The following HOOK1 variants were observed in gnomAD, a reference collection of about 807,000 sequenced individuals.
The protein encoded by HOOK1 is hook microtubule tethering protein 1, also known as protein Hook homolog 1.
In HOOK1, 60 loss-of-function variants were observed where a neutral mutation model predicts 112.8. That is an observed-to-expected ratio of 0.53 (90% CI 0.43 to 0.66). The LOEUF (loss-of-function observed/expected upper bound fraction) is 0.66, where lower values mean the gene tolerates loss of function less well. Among genes scored for constraint, HOOK1 ranks in the 30% least tolerant of loss-of-function variants. The pLI, the probability that HOOK1 is intolerant of heterozygous loss-of-function variation, is 0.00. For synonymous variants in HOOK1, 294 were observed against 283.8 expected, an observed-to-expected ratio of 1.04 and a Z score of -0.36; for missense variants, 770 against 856.0, an observed-to-expected ratio of 0.90 and a Z score of 1.25.
intron 20 of HOOK1, among the ~76,000 whole-genome samples, chr1:59,870,375 C>G (rs1259422317): frequency 1.3e-5 from 2 of 152,118 alleles, no homozygotes; most frequent in Non-Finnish European, 2.9e-5. Context: ...ATCTGCCATC[C>G]CTCTGGGAAT....
At chr1:59,835,043 A>G (rs1038249206) in intron 5 of HOOK1, among the ~76,000 whole-genome samples, 1 of 152,152 alleles carries the variant, frequency 6.6e-6, no homozygotes, top group Non-Finnish European at 1.5e-5. Context: ...AAAGGAATTC[A>G]ATTCCTAGAT....
intron 1 of HOOK1, among the ~76,000 whole-genome samples, chr1:59,816,309 C>A (rs2098381468): frequency 6.6e-6 from 1 of 152,090 alleles, no homozygotes; most frequent in Non-Finnish European, 1.5e-5. Flanking sequence ...TAGTGGAATG[C>A]AAATATTTAG....
At position 59,862,353 on chromosome 1, in the gene HOOK1, AT is replaced by A. The variant is rs752919223; in HGVS notation, c.1533-428del. Among the ~76,000 whole-genome samples the A allele has an allele frequency of 8.5e-5, 13 of 152,284 alleles. No individual in the cohort carries two copies. The East Asian group carries it at 2.1e-3, about 25-fold the overall frequency. Reference sequence around the variant, plus strand: ...GCTAGTGGCACTCCCTTTAATTTAAATTTAAAAAAACTTGTGGAAATGATTG... The same window carrying A: ...GCTAGTGGCACTCCCTTTAATTTAAATTAAAAAAACTTGTGGAAATGATTG... On this transcript the variant is annotated intron_variant, in intron 15 of 21. Transcript: ENST00000371208.
At chr1:59,836,009 A>G (rs1042696992) in intron 6 of HOOK1, among the ~76,000 whole-genome samples, 1 of 152,050 alleles carries the variant, frequency 6.6e-6, no homozygotes, top group African/African-American at 2.4e-5. Context: ...CAGGATAAAC[A>G]GTCTCTGACC....
chr1:59,815,321 G>C (rs540233263), intron 1 of HOOK1, 141 bp downstream of exon 1: 1 of 761,562 alleles, frequency 1.3e-6, no homozygotes, highest in South Asian at 1.8e-5. Context: ...GCCCTTGACC[G>C]AGAGAATGCC....
intron 16 of HOOK1, among the ~76,000 whole-genome samples, chr1:59,864,159 GTTAGTTA>G (rs1643915703): frequency 6.6e-6 from 1 of 151,398 alleles, no homozygotes; most frequent in Admixed American, 6.6e-5. Context: ...TCATTTTGGT[GTTAGTTA>G]TTAAAGTATT....
At chr1:59,846,298 G>A (rs1386131984) in intron 9 of HOOK1, among the ~76,000 whole-genome samples, 1 of 151,546 alleles carries the variant, frequency 6.6e-6, no homozygotes, top group Admixed American at 6.6e-5. Flanking sequence ...TCCTGATATT[G>A]CTTGGGTTTT....
intron 15 of HOOK1, among the ~76,000 whole-genome samples, chr1:59,861,053 G>A (rs563474082): frequency 6.6e-6 from 1 of 152,004 alleles, no homozygotes; most frequent in African/African-American, 2.4e-5. Context: ...TGGGATTACA[G>A]GCGTGAGCCA....
chr1:59,836,115 T>G (rs528797158), intron 6 of HOOK1, among the ~76,000 whole-genome samples: 1 of 152,304 alleles, frequency 6.6e-6, no homozygotes, highest in African/African-American at 2.4e-5. Flanking sequence ...ATATACCATA[T>G]GCATTTTCAA....
chr1:59,823,627 A>T (rs748007400), intron 2 of HOOK1, among the ~76,000 whole-genome samples: 1 of 152,182 alleles, frequency 6.6e-6, no homozygotes, highest in Non-Finnish European at 1.5e-5. Context: ...TGGTAGCTTT[A>T]TGCCAGAATA....
chr1:59,849,101 C>G lies in HOOK1; in HGVS notation c.1160C>G (p.Ser387Cys), dbSNP rs1469313708. The G allele has an allele frequency of 5.0e-6, 8 of 1,607,642 alleles. No individual in the cohort carries two copies. Among genetic ancestry groups the G allele is most frequent in the Non-Finnish European group, 6.8e-6 (8 of 1,176,078 alleles). ...QVQDLHVKLS[S>C]ESKRADTLAF... ...CAAGATCTTCATGTTAAACTTTCCT[C>G]CGAATCCAAGAGGGCAGACACACTA... Residue 387 changes from serine to cysteine, a missense_variant, in exon 12 of 22, where the codon TCC (serine) becomes TGC (cysteine). Physicochemically the swap from Ser to Cys is moderately radical, Grantham distance 112. Transcript: ENST00000371208.
chr1:59,874,131 TTTAA>T lies in HOOK1; in HGVS notation c.*1174_*1177del, dbSNP rs1248250171. 1 of 152,132 alleles carries T rather than the reference TTTAA, an allele frequency of 6.6e-6. No homozygotes were observed. The highest frequency in any genetic ancestry group is 1.5e-5 in the Non-Finnish European group (1 of 68,004). The allele number at this position is 152,132 out of a possible 1,614,324, so 9.4% of individuals were successfully genotyped here. ...CATGAGCCATATATGACAATTTAAA[TTTAA>T]TTAATTATAAACTCAGTCTCTTGGT... On this transcript the variant is annotated 3_prime_UTR_variant, in exon 22 of 22. Coordinates refer to ENST00000371208, the MANE Select transcript of HOOK1 (RefSeq NM_015888.6).
chr1:59,840,145 A>G (rs959880370), intron 7 of HOOK1, among the ~76,000 whole-genome samples, 163 bp from the exon 8 acceptor site: 3 of 152,130 alleles, frequency 2.0e-5, no homozygotes, highest in African/African-American at 7.2e-5. Context: ...TTGGCCTAAA[A>G]TTCTCTTTTT....
In HOOK1 at chr1:59,858,991, C is replaced by T. The variant is rs2098412135; in HGVS notation, c.1337C>T (p.Ser446Phe). The T allele has an allele frequency of 6.4e-7, 1 of 1,565,788 alleles. No homozygotes were observed. The highest frequency in any genetic ancestry group is 8.8e-7 in the Non-Finnish European group (1 of 1,140,232). The change falls in exon 14 of 22, where the codon TCT becomes TTT. Residue 446 changes from serine to phenylalanine, a missense_variant. This residue lies in a region of HOOK1 where 655 missense variants were observed against 725.9 expected (regional missense o/e 0.90). Coordinates refer to ENST00000371208, the MANE Select transcript of HOOK1 (RefSeq NM_015888.6). ...ATTTTTTGTTATTTTTTAGATGCAT[C>T]TGCTACAAAAAGTTATGAGAATCTT... ...QQDHLNQTDA[S>F]ATKSYENLAA...
At position 59,875,767 on chromosome 1, in the gene HOOK1, CTT is replaced by C. The variant is rs1470539633; in HGVS notation, c.*2803_*2804del. On this transcript the variant is annotated 3_prime_UTR_variant, in exon 22 of 22. Transcript: ENST00000371208. ...GCAGTGATGTCTATGTTGAGATTAA[CTT>C]ATGTATTGAGGAAAATTTGAAGTTT... 6.6e-6 allele frequency: 1 copy of C among 152,120 alleles called. No individual in the cohort carries two copies. Among genetic ancestry groups the C allele is most frequent in the Non-Finnish European group, 1.5e-5 (1 of 68,008 alleles). 9.4% of individuals were successfully genotyped at this position (152,120 alleles called of 1,614,324 possible).
At chr1:59,829,157 C>T (rs934345748) in intron 3 of HOOK1, among the ~76,000 whole-genome samples, 2 of 152,026 alleles carry the variant, frequency 1.3e-5, no homozygotes, top group Non-Finnish European at 2.9e-5. Flanking sequence ...TAAATTGAAT[C>T]ATATAATATG....
chr1:59,843,632 T>A, intron 9 of HOOK1, 34 bp downstream of exon 9: 1 of 1,550,314 alleles, frequency 6.5e-7, no homozygotes, highest in Non-Finnish European at 8.8e-7. Context: ...TTTATGGAGT[T>A]CTGTCTATTA....
chr1:59,839,937 A>G (rs940905229), intron 7 of HOOK1, among the ~76,000 whole-genome samples: 1 of 152,156 alleles, frequency 6.6e-6, no homozygotes, highest in Non-Finnish European at 1.5e-5. Context: ...TGCTGCATCT[A>G]TTGAGATAAT....
intron 12 of HOOK1, among the ~76,000 whole-genome samples, chr1:59,853,810 T>G (rs2098408555): frequency 6.6e-6 from 1 of 151,366 alleles, no homozygotes; most frequent in South Asian, 2.1e-4. Context: ...CCATTTAGAG[T>G]AAATGGTAAA....
Sources: allele counts gnomAD v4.1 joint callset (sites outside exome capture counted in the v4.1 genomes callset), GRCh38; gene constraint gnomAD v4.1.1; regional missense constraint gnomAD v4.1.1; transcripts MANE v1.5; gene names NCBI Gene and HGNC (gene_info 2026-07-23, HGNC 2026-07-21).